IDE: variants seen among roughly 807,000 people sequenced by gnomAD.
The protein encoded by IDE is insulin degrading enzyme.
A neutral mutation model predicts 133.2 loss-of-function variants in IDE; 58 were observed. That is an observed-to-expected ratio of 0.44 (90% confidence interval 0.35 to 0.54). The LOEUF is 0.54. Among genes scored for constraint, IDE ranks in the 20% least tolerant of loss-of-function variants. The pLI is 0.00. For missense variants in IDE, 981 were observed against 1,234.0 expected (o/e 0.79, Z 3.07); for synonymous variants, 396 against 421.3 (o/e 0.94, Z 0.73).
intron 2 of IDE, among the ~76,000 whole-genome samples, chr10:92,536,700 G>GA (rs34460166): frequency 5.8e-5 from 8 of 138,364 alleles, no homozygotes; most frequent in Non-Finnish European, 1.1e-4. Flanking sequence ...CTCCCACTCA[G>GA]AAAAAAAAAA....
At chr10:92,527,003 C>T (rs1169390838) in intron 4 of IDE, among the ~76,000 whole-genome samples, 1 of 152,040 alleles carries the variant, frequency 6.6e-6, no homozygotes, top group East Asian at 1.9e-4. Flanking sequence ...CTCTTTTGAA[C>T]AAGGATTTTA....
intron 22 of IDE, among the ~76,000 whole-genome samples, chr10:92,460,450 AG>A (rs1211255414): frequency 2.0e-5 from 3 of 152,184 alleles, no homozygotes; most frequent in Non-Finnish European, 4.4e-5. Flanking sequence ...AGAAACTGAA[AG>A]GGTGCCTAAA....
At chr10:92,537,158 G>T (rs186003761) in intron 2 of IDE, among the ~76,000 whole-genome samples, 2 of 152,174 alleles carry the variant, frequency 1.3e-5, no homozygotes, top group African/African-American at 4.8e-5. Flanking sequence ...CCTTAGGTGG[G>T]AACCTAACAA....
chr10:92,465,443 T>C lies in IDE; in HGVS notation c.2488+233A>G, dbSNP rs959039121. On this transcript the variant is annotated intron_variant, in intron 20 of 24. Transcript: ENST00000265986. ...TTTCCCCCACCTAAAATGCCCTCTT[T>C]ATTGACATGTATGTAATATGCAGTA... Among the ~76,000 whole-genome samples the C allele has an allele frequency of 2.6e-5, 4 of 152,214 alleles. No individual in the cohort carries two copies. The South Asian group carries it at 8.3e-4, about 32-fold the overall frequency.
At chr10:92,544,937 T>C (rs779206333) in intron 1 of IDE, among the ~76,000 whole-genome samples, 20 of 152,150 alleles carry the variant, frequency 1.3e-4, no homozygotes, top group Non-Finnish European at 2.2e-4. Flanking sequence ...TGGGTTTAAG[T>C]ATACTATTTT....
At chr10:92,564,539 G>A (rs552845522) in intron 1 of IDE, among the ~76,000 whole-genome samples, 1 of 151,734 alleles carries the variant, frequency 6.6e-6, no homozygotes, top group South Asian at 2.1e-4. Flanking sequence ...AGTGGGCATG[G>A]TGGCACACGC....
intron 5 of IDE, among the ~76,000 whole-genome samples, chr10:92,510,862 TATATATCACATACATGATATATCAC>T: frequency 6.6e-6 from 1 of 150,892 alleles, no homozygotes; most frequent in Non-Finnish European, 1.5e-5. Context: ...ATATATCACA[TATATATCACATACATGATATATCAC>T]ATATATCATA....
rs75860215 is a variant in IDE at position 92,562,146 on chromosome 10, C to G, written c.98+11776G>C. 9.6e-3 allele frequency among the ~76,000 whole-genome samples: 1,460 copies of G among 152,298 alleles called. 15 individuals are homozygous for G. Among genetic ancestry groups the G allele is most frequent in the Non-Finnish European group, 0.013 (858 of 68,032 alleles). ...CCTTTTTCCCAAAAGGAACTGAACT[C>G]TCAGGATTTCTAAGTGTTGATTCCC... is the stretch of plus-strand genomic sequence containing the variant. On this transcript the variant is annotated intron_variant, in intron 1 of 24. Transcript: ENST00000265986.
chr10:92,549,214 G>A (rs189741830), intron 1 of IDE, among the ~76,000 whole-genome samples: 19 of 151,794 alleles, frequency 1.3e-4, no homozygotes, highest in Non-Finnish European at 2.5e-4. Flanking sequence ...CCAAGACTGT[G>A]CCACTGCACT....
chr10:92,479,652 C>T (rs1846494420), intron 14 of IDE: 1 of 403,970 alleles, frequency 2.5e-6, no homozygotes, highest in Non-Finnish European at 4.5e-6. Flanking sequence ...TGTGCGTGCG[C>T]ACTGGTAGTA....
chr10:92,468,232 T>C (rs1435487100), intron 19 of IDE, among the ~76,000 whole-genome samples: 1 of 152,192 alleles, frequency 6.6e-6, no homozygotes, highest in African/African-American at 2.4e-5. Context: ...GCAGCACAGA[T>C]GGTTCATGCA....
Position 92,507,585 on chromosome 10 carries a change from T to C in IDE, c.1235A>G (p.Gln412Arg). ...RAEGPQEWVF[Q>R]ECKDLNAVAF... ...GTGAAACAAAAGTACCTTGCACTCTTGGAAAACCCATTCTTGAGGTCCTTC... is the reference window on the plus strand; with the variant it reads ...GTGAAACAAAAGTACCTTGCACTCTCGGAAAACCCATTCTTGAGGTCCTTC... Residue 412 changes from glutamine (Q) to arginine (R), a missense_variant, in exon 9 of 25, where the codon CAA (glutamine) becomes CGA (arginine). Gln to Arg is a conservative substitution (Grantham distance 43). Around this residue, in one of 2 missense-constraint regions of IDE, gnomAD observed 660 missense variants for 894.7 expected, o/e 0.74. Coordinates refer to ENST00000265986, the MANE Select transcript of IDE (RefSeq NM_004969.4). The C allele has an allele frequency of 1.3e-6, 2 of 1,595,572 alleles. No individual in the cohort carries two copies. The highest frequency in any genetic ancestry group is 1.3e-5 in the African/African-American group (1 of 74,750).
rs1450988657 is a variant in IDE, at chr10:92,537,289, G to A, written c.283+77C>T. On this transcript the variant is annotated intron_variant, in intron 2 of 24. Coordinates refer to ENST00000265986, the MANE Select transcript of IDE (RefSeq NM_004969.4). ...CGGTAACTATTGAGTATTTAAACAC[G>A]TATGGAAAGTTCTAATAAATGTCAG... The A allele has an allele frequency of 6.1e-6, 7 of 1,138,976 alleles. No individual in the cohort carries two copies. In the Admixed American group the frequency reaches 1.2e-4, roughly 19 times the overall value. 70.6% of individuals were successfully genotyped at this position (1,138,976 alleles called of 1,614,324 possible).
chr10:92,508,580 AC>A, intron 7 of IDE, 147 bp downstream of exon 7: 1 of 610,364 alleles, frequency 1.6e-6, no homozygotes, highest in Non-Finnish European at 2.8e-6. Context: ...AAAAAAGGCA[AC>A]AGCGTGCCAA....
intron 6 of IDE, 86 bp from the exon 7 acceptor site, chr10:92,508,976 G>A: frequency 2.8e-6 from 3 of 1,086,938 alleles, no homozygotes; most frequent in Non-Finnish European, 2.7e-6. Context: ...ATTTTCATGG[G>A]AGAATCCCAA....
At chr10:92,497,676 G>C in intron 11 of IDE, 1 of 972,072 alleles carries the variant, frequency 1.0e-6, no homozygotes, top group Non-Finnish European at 1.2e-6. Flanking sequence ...TCTTACCCTT[G>C]AGCCACCCTA....
chr10:92,501,337 G>A lies in IDE; in HGVS notation c.1430+3457C>T, dbSNP rs1434513825. The stretch of plus-strand genomic sequence containing the variant: ...AGATGACACTAGTGCACTCCAGCCC[G>A]GGCAACAGAGCAAGACTCTGTCATT... On this transcript the variant is annotated intron_variant, in intron 11 of 24. Coordinates refer to ENST00000265986, the MANE Select transcript of IDE (RefSeq NM_004969.4). Among the ~76,000 whole-genome samples the A allele has an allele frequency of 2.2e-4, 28 of 127,464 alleles. No homozygotes were observed. In the Admixed American group the frequency reaches 2.3e-3, roughly 10 times the overall value. The allele number at this position is 127,464 out of a possible 152,430, so 83.6% of individuals were successfully genotyped here. A position where few individuals can be genotyped will look rare whatever the true frequency, so the allele number is the denominator to read the frequency against.
rs547901157 is a variant in IDE, at chr10:92,521,920, A to G, written c.662-6878T>C. Among the ~76,000 whole-genome samples, 91 of 152,256 alleles carry G rather than the reference A, an allele frequency of 6.0e-4. No homozygotes were observed. The Middle Eastern group carries it at 0.01, about 17-fold the overall frequency. On this transcript the variant is annotated intron_variant, in intron 4 of 24. Transcript: ENST00000265986. Reference sequence around the variant, plus strand: ...ATATACTGAAATATTTATGAGCAAAATGATATCTAGAATCTCTTCAAAATA... The same window carrying G: ...ATATACTGAAATATTTATGAGCAAAGTGATATCTAGAATCTCTTCAAAATA...
chr10:92,464,375 T>C (rs1055820100), intron 20 of IDE, among the ~76,000 whole-genome samples: 3 of 152,198 alleles, frequency 2.0e-5, no homozygotes, highest in African/African-American at 7.2e-5. Flanking sequence ...CCTAGCTGTG[T>C]TTCCTTTAAC....
Sources: gnomAD v4.1 joint callset for allele counts (sites outside exome capture counted in the v4.1 genomes callset) on GRCh38, gnomAD v4.1.1 for gene constraint, gnomAD v4.1.1 regional missense constraint, MANE v1.5 for transcripts, NCBI Gene and HGNC (gene_info 2026-07-23, HGNC 2026-07-21) for gene names.